AOPEP: variants seen among roughly 807,000 people sequenced by gnomAD.
AOPEP encodes the protein aminopeptidase O.
A neutral mutation model predicts 98.1 loss-of-function variants in AOPEP; 77 were observed. The ratio of observed to expected loss-of-function variants is 0.78; its 90% CI spans 0.65 to 0.95. The LOEUF (loss-of-function observed/expected upper bound fraction) is 0.95. Among genes scored for constraint, AOPEP ranks in the 40% least tolerant of loss-of-function variants. The pLI is 0.00. For missense variants in AOPEP, 1,024 were observed against 1,024.7 expected (o/e 1.00, Z 0.01); for synonymous variants, 346 against 365.3 (o/e 0.95, Z 0.60).
intron 5 of AOPEP, among the ~76,000 whole-genome samples, chr9:94,844,778 C>A (rs2042656081): frequency 6.6e-6 from 1 of 152,138 alleles, no homozygotes; most frequent in Admixed American, 6.5e-5. Context: ...TCTCAGGGGG[C>A]AGATGGTCTG....
chr9:95,067,845 C>T (rs900290388), intron 14 of AOPEP, among the ~76,000 whole-genome samples: 1 of 152,184 alleles, frequency 6.6e-6, no homozygotes, highest in Admixed American at 6.5e-5. Flanking sequence ...GCTGTCATCC[C>T]TAGCTCCCCA....
chr9:94,807,642 A>G (rs1849523043), intron 5 of AOPEP, among the ~76,000 whole-genome samples: 1 of 152,210 alleles, frequency 6.6e-6, no homozygotes. Flanking sequence ...TAGAACATAC[A>G]CACTCCCTGG....
At chr9:94,841,519 A>G (rs895933274) in intron 5 of AOPEP, among the ~76,000 whole-genome samples, 1 of 152,066 alleles carries the variant, frequency 6.6e-6, no homozygotes, top group African/African-American at 2.4e-5. Flanking sequence ...ATTCACTTTG[A>G]TGCCTTCTAA....
At chr9:94,928,071 G>T (rs548895107) in intron 6 of AOPEP, among the ~76,000 whole-genome samples, 1 of 152,154 alleles carries the variant, frequency 6.6e-6, no homozygotes, top group African/African-American at 2.4e-5. Flanking sequence ...TCCCCATCCT[G>T]TGCAGAAAGA....
At chr9:94,982,020 G>T (rs1406433874) in intron 11 of AOPEP, among the ~76,000 whole-genome samples, 1 of 152,280 alleles carries the variant, frequency 6.6e-6, no homozygotes, top group Non-Finnish European at 1.5e-5. Flanking sequence ...AGAAGCAAAA[G>T]AAATTGGATC....
At chr9:94,787,221 CT>C (rs1286741660) in intron 3 of AOPEP, among the ~76,000 whole-genome samples, 29 of 152,262 alleles carry the variant, frequency 1.9e-4, no homozygotes, top group Admixed American at 1.4e-3. Flanking sequence ...CGGTTTCTGA[CT>C]TTTTAATTGC....
chr9:95,046,846 A>G (rs757230746), intron 13 of AOPEP, among the ~76,000 whole-genome samples: 9 of 152,234 alleles, frequency 5.9e-5, no homozygotes, highest in African/African-American at 9.6e-5. Context: ...TCAGGAAACT[A>G]AAGTTGTAAG....
chr9:94,869,947 G>T (rs1207531724), intron 5 of AOPEP, among the ~76,000 whole-genome samples: 4 of 150,538 alleles, frequency 2.7e-5, no homozygotes, highest in African/African-American at 9.8e-5. Flanking sequence ...CCTCAGGCAG[G>T]AGAGGGAGGA....
At chr9:94,896,095 T>C (rs2049517875) in intron 5 of AOPEP, among the ~76,000 whole-genome samples, 1 of 152,220 alleles carries the variant, frequency 6.6e-6, no homozygotes, top group Non-Finnish European at 1.5e-5. Context: ...AGCAAAATTA[T>C]CATTATTTTC....
At chr9:95,037,341 A>G (rs901784397) in intron 13 of AOPEP, among the ~76,000 whole-genome samples, 6 of 152,226 alleles carry the variant, frequency 3.9e-5, no homozygotes, top group African/African-American at 1.4e-4. Context: ...GTTCATTGAT[A>G]GAAGATGATA....
chr9:94,906,482 T>TAATAATAATAATAAA (rs1367536683), intron 5 of AOPEP, among the ~76,000 whole-genome samples: 6 of 95,444 alleles, frequency 6.3e-5, no homozygotes, highest in East Asian at 2.4e-4. Context: ...ATAATAATAA[T>TAATAATAATAATAAA]AAAAAAACAG....
intron 13 of AOPEP, among the ~76,000 whole-genome samples, chr9:95,058,565 G>C (rs977003607): frequency 6.6e-6 from 1 of 152,184 alleles, no homozygotes; most frequent in Non-Finnish European, 1.5e-5. Context: ...GATGCCAGGC[G>C]CCTGTTGTCC....
intron 14 of AOPEP, among the ~76,000 whole-genome samples, chr9:95,062,284 C>T (rs3739749): frequency 0.053 from 8,067 of 152,222 alleles, 283 homozygotes; most frequent in South Asian, 0.11. Flanking sequence ...GTGCTTGGGA[C>T]CTGGTGGGGG....
chr9:95,078,172 G>T (rs1455820589), intron 14 of AOPEP, among the ~76,000 whole-genome samples: 1 of 152,072 alleles, frequency 6.6e-6, no homozygotes, highest in African/African-American at 2.4e-5. Flanking sequence ...AGTAAGAAAC[G>T]TGGAAATACT....
intron 13 of AOPEP, among the ~76,000 whole-genome samples, chr9:95,013,726 G>C (rs1464080933): frequency 6.6e-6 from 1 of 152,124 alleles, no homozygotes; most frequent in Non-Finnish European, 1.5e-5. Context: ...AGTTTGTGCT[G>C]TTTATACCTG....
chr9:94,953,743 A>G (rs909130499), intron 7 of AOPEP, among the ~76,000 whole-genome samples: 1 of 151,900 alleles, frequency 6.6e-6, no homozygotes, highest in African/African-American at 2.4e-5. Flanking sequence ...TGATGCACCA[A>G]CCCTCTCGTG....
chr9:94,961,110 A>G (rs2058809109), intron 9 of AOPEP, among the ~76,000 whole-genome samples: 1 of 152,078 alleles, frequency 6.6e-6, no homozygotes, highest in Non-Finnish European at 1.5e-5. Context: ...CATGCCCTCA[A>G]AACTTTTTAG....
the AOPEP span, among the ~76,000 whole-genome samples, chr9:95,103,471 AAGG>A: frequency 7.9e-5 from 12 of 152,008 alleles, no homozygotes; most frequent in Middle Eastern, 3.2e-3. Flanking sequence ...GAGGCAGGAG[AAGG>A]AGAAGTGTGA....
At chr9:95,041,710 A>C (rs1487921740) in intron 13 of AOPEP, among the ~76,000 whole-genome samples, 1 of 152,158 alleles carries the variant, frequency 6.6e-6, no homozygotes, top group Admixed American at 6.5e-5. Context: ...CTTAGATTTG[A>C]TCAAGACGCG....
Sources: allele counts gnomAD v4.1 joint callset (sites outside exome capture counted in the v4.1 genomes callset), GRCh38; gene constraint gnomAD v4.1.1; transcripts MANE v1.5; gene names NCBI Gene and HGNC (gene_info 2026-07-23, HGNC 2026-07-21).